The following ATP8A2 variants were observed in gnomAD, a reference collection of about 807,000 sequenced individuals.
ATP8A2 encodes the protein phospholipid-transporting ATPase IB.
In ATP8A2, 100 loss-of-function variants were observed where a neutral mutation model predicts 165.6. That is an observed-to-expected ratio of 0.60 (90% CI 0.51 to 0.71). The LOEUF (loss-of-function observed/expected upper bound fraction) is 0.71. ATP8A2 is among the 30% of genes least tolerant of loss of function. ATP8A2 has a pLI of 0.00. For missense variants in ATP8A2, 1,227 were observed against 1,479.5 expected (o/e 0.83, Z 2.80); for synonymous variants, 543 against 548.8 (o/e 0.99, Z 0.15).
intron 15 of ATP8A2, among the ~76,000 whole-genome samples, chr13:25,561,385 T>A (rs1022867046): frequency 3.9e-5 from 6 of 152,186 alleles, no homozygotes; most frequent in African/African-American, 4.8e-5. Flanking sequence ...TTTGTTTTAC[T>A]TCCTGGTATT....
intron 24 of ATP8A2, among the ~76,000 whole-genome samples, chr13:25,688,610 G>A (rs2042656478): frequency 6.6e-6 from 1 of 152,246 alleles, no homozygotes; most frequent in Non-Finnish European, 1.5e-5. Flanking sequence ...GGTGTCCTAT[G>A]TGAGCATGAG....
chr13:25,538,453 C>T (rs2038359238), intron 7 of ATP8A2, among the ~76,000 whole-genome samples: 1 of 152,190 alleles, frequency 6.6e-6, no homozygotes, highest in East Asian at 1.9e-4. Context: ...CAGTGCTGCA[C>T]ATTGATAGCT....
At chr13:25,781,744 G>A (rs767733486) in intron 27 of ATP8A2, among the ~76,000 whole-genome samples, 2 of 152,054 alleles carry the variant, frequency 1.3e-5, no homozygotes, top group Non-Finnish European at 2.9e-5. Context: ...CACCCGCCTC[G>A]GCCTCCTGAG....
In ATP8A2 at chr13:25,533,249, ATATTT is replaced by A; in HGVS notation, c.467-17_467-13del. ...TTCAATTTAACACCAGTATTAACCA[ATATTT>A]TATTTTTCTCTTTTTCAGTGTTAAG... On this transcript the variant is annotated intron_variant, in intron 5 of 36. Coordinates refer to ENST00000381655, the MANE Select transcript of ATP8A2 (RefSeq NM_016529.6). 7.5e-7 allele frequency: 1 copy of A among 1,324,524 alleles called. No homozygotes were observed. Among genetic ancestry groups the A allele is most frequent in the Non-Finnish European group, 1.1e-6 (1 of 930,196 alleles). The allele number at this position is 1,324,524 out of a possible 1,614,324, so 82.0% of individuals were successfully genotyped here. A position where few individuals can be genotyped will look rare whatever the true frequency, so the allele number is the denominator to read the frequency against.
intron 2 of ATP8A2, among the ~76,000 whole-genome samples, chr13:25,503,634 ACT>A (rs1233190967): frequency 6.6e-6 from 1 of 151,764 alleles, no homozygotes; most frequent in Non-Finnish European, 1.5e-5. Context: ...ATAATTAAAC[ACT>A]CTGTATATTT....
intron 33 of ATP8A2, among the ~76,000 whole-genome samples, chr13:25,864,238 A>G (rs1252637314): frequency 2.0e-5 from 3 of 152,072 alleles, no homozygotes; most frequent in African/African-American, 7.2e-5. Flanking sequence ...TTAGAGAGTG[A>G]CAGCTGACAG....
At chr13:25,374,667 G>T (rs1424612293) in intron 1 of ATP8A2, among the ~76,000 whole-genome samples, 1 of 152,134 alleles carries the variant, frequency 6.6e-6, no homozygotes, top group Non-Finnish European at 1.5e-5. Context: ...GGATCTTGCT[G>T]ATGATAGGCT....
Position 25,728,009 on chromosome 13 carries a change from C to T in ATP8A2, c.2384+28664C>T, listed in dbSNP as rs927465360. ...CAAATGCCCCCACGCTTCTCAGATC[C>T]CAAGCTCAAGGGGGCGTTGAGGATC... On this transcript the variant is annotated intron_variant, in intron 25 of 36. Transcript: ENST00000381655. Among the ~76,000 whole-genome samples, 12 of 152,272 alleles carry T rather than the reference C, an allele frequency of 7.9e-5. No individual in the cohort carries two copies. The South Asian group carries it at 1.2e-3, about 16-fold the overall frequency.
intron 1 of ATP8A2, among the ~76,000 whole-genome samples, chr13:25,385,073 T>C (rs866787192): frequency 1.2e-4 from 18 of 152,354 alleles, no homozygotes; most frequent in Middle Eastern, 3.4e-3. Flanking sequence ...AGTTAGTCTT[T>C]TGATTTTCAG....
intron 28 of ATP8A2, among the ~76,000 whole-genome samples, chr13:25,829,840 T>C (rs1254576970): frequency 6.6e-6 from 1 of 150,594 alleles, no homozygotes; most frequent in Non-Finnish European, 1.5e-5. Flanking sequence ...ACAGATTTTA[T>C]TGAGTGCCTA....
intron 26 of ATP8A2, among the ~76,000 whole-genome samples, chr13:25,773,714 A>G (rs1047469119): frequency 5.9e-5 from 9 of 152,054 alleles, no homozygotes; most frequent in African/African-American, 9.7e-5. Flanking sequence ...TAGTATATCT[A>G]TGTGTACATG....
chr13:25,576,610 G>A (rs984184475), intron 19 of ATP8A2, among the ~76,000 whole-genome samples: 6 of 152,092 alleles, frequency 3.9e-5, no homozygotes, highest in African/African-American at 7.2e-5. Context: ...AGTGTTCTGC[G>A]GGTTTGTGAT....
At chr13:25,526,478 G>A (rs560627511) in intron 2 of ATP8A2, among the ~76,000 whole-genome samples, 2 of 152,268 alleles carry the variant, frequency 1.3e-5, no homozygotes, top group African/African-American at 4.8e-5. Context: ...TAATTTACCT[G>A]TTGAATTTCT....
intron 2 of ATP8A2, among the ~76,000 whole-genome samples, chr13:25,511,701 CTT>C (rs1157514310): frequency 6.6e-6 from 1 of 151,788 alleles, no homozygotes; most frequent in Non-Finnish European, 1.5e-5. Flanking sequence ...TTTTTAATAT[CTT>C]TATGGTTTAG....
intron 27 of ATP8A2, among the ~76,000 whole-genome samples, chr13:25,798,654 TAGAA>T (rs1276970162): frequency 6.6e-6 from 1 of 152,190 alleles, no homozygotes; most frequent in African/African-American, 2.4e-5. Context: ...GGATGGTTTT[TAGAA>T]AGAAAGAGCT....
rs73472954 is a variant in ATP8A2 at position 25,929,176 on chromosome 13, G to A, written c.3184-32399G>A. ...AATATGGGCATCCCCAGCCTCCATC[G>A]TAAATGTGCGTGACCATGTGAGCCA... is the stretch of plus-strand genomic sequence containing the variant. On this transcript the variant is annotated intron_variant, in intron 33 of 36. Coordinates refer to ENST00000381655, the MANE Select transcript of ATP8A2 (RefSeq NM_016529.6). Among the ~76,000 whole-genome samples, 197 of 152,244 alleles carry A rather than the reference G, an allele frequency of 1.3e-3. 1 individual carries two copies. The highest frequency in any genetic ancestry group is 4.0e-3 in the African/African-American group (168 of 41,542).
At chr13:25,919,619 C>T (rs1421619724) in intron 33 of ATP8A2, among the ~76,000 whole-genome samples, 1 of 152,156 alleles carries the variant, frequency 6.6e-6, no homozygotes, top group Non-Finnish European at 1.5e-5. Context: ...ACCCACTTCC[C>T]TACTTCCAGG....
At chr13:25,981,781 G>C (rs1226048496) in intron 35 of ATP8A2, among the ~76,000 whole-genome samples, 1 of 152,104 alleles carries the variant, frequency 6.6e-6, no homozygotes, top group Non-Finnish European at 1.5e-5. Flanking sequence ...AATACAGATG[G>C]ATACATTCCT....
chr13:25,479,065 A>T (rs934745573), intron 2 of ATP8A2, among the ~76,000 whole-genome samples: 4 of 152,054 alleles, frequency 2.6e-5, no homozygotes, highest in African/African-American at 4.8e-5. Flanking sequence ...CCAGGATGGT[A>T]TCGATCTCCT....
Sources: gnomAD v4.1 joint callset for allele counts (sites outside exome capture counted in the v4.1 genomes callset) on GRCh38, gnomAD v4.1.1 for gene constraint, MANE v1.5 for transcripts, NCBI Gene and HGNC (gene_info 2026-07-23, HGNC 2026-07-21) for gene names.